Variants in UGGT2 observed in about 807,000 individuals in gnomAD.
UGGT2 encodes UDP-glucose:glycoprotein glucosyltransferase 2.
Under a neutral mutation model 192.1 loss-of-function variants are expected in UGGT2, and 180 were observed. The observed-to-expected ratio is 0.94, with a 90% confidence interval of 0.83 to 1.06. The LOEUF (loss-of-function observed/expected upper bound fraction) is 1.06, where lower values mean the gene tolerates loss of function less well. Ranked by LOEUF, UGGT2 falls within the 50% of genes least tolerant of loss-of-function variation. UGGT2 has a pLI of 0.00. For missense variants in UGGT2, 1,849 were observed against 1,795.7 expected, an observed-to-expected ratio of 1.03 and a Z score of -0.54; for synonymous variants, 580 against 591.0, an observed-to-expected ratio of 0.98 and a Z score of 0.27.
chr13:95,898,662 A>G (rs2140272918), intron 22 of UGGT2, among the ~76,000 whole-genome samples: 1 of 152,096 alleles, frequency 6.6e-6, no homozygotes. Flanking sequence ...TTAGGTCATG[A>G]GGGCTGTGCC....
chr13:96,026,659 CTTTTTTTTTTTTT>C (rs71211702), intron 2 of UGGT2, among the ~76,000 whole-genome samples: 2 of 101,536 alleles, frequency 2.0e-5, no homozygotes, highest in African/African-American at 3.6e-5. Flanking sequence ...TTTCACTCTT[CTTTTTTTTTTTTT>C]TTTTTTTTTT....
chr13:96,007,911 G>A lies in UGGT2; in HGVS notation c.660+5396C>T, dbSNP rs540705753. ...ACACATTTGGAACCAACTCATCTTCGACAAACATGCCAGGATCATACACTG... is the reference window on the plus strand; with the variant it reads ...ACACATTTGGAACCAACTCATCTTCAACAAACATGCCAGGATCATACACTG... On this transcript the variant is annotated intron_variant, in intron 5 of 38. Transcript: ENST00000376747. 4.1e-4 allele frequency among the ~76,000 whole-genome samples: 62 copies of A among 152,192 alleles called. 1 individual carries two copies. The highest frequency in any genetic ancestry group is 2.1e-4 in the South Asian group (1 of 4,830).
At chr13:95,874,997 T>C (rs905885580) in intron 29 of UGGT2, among the ~76,000 whole-genome samples, 1 of 152,154 alleles carries the variant, frequency 6.6e-6, no homozygotes, top group Non-Finnish European at 1.5e-5. Context: ...AGCCTAAGTG[T>C]AAATTTAACG....
chr13:95,813,322 G>A (rs375248941), intron 38 of UGGT2, among the ~76,000 whole-genome samples: 50 of 152,178 alleles, frequency 3.3e-4, no homozygotes, highest in African/African-American at 1.2e-3. Context: ...ATGGAAATGA[G>A]GAACTGGCTG....
At chr13:96,015,876 CTTAT>C (rs1407372978) in intron 4 of UGGT2, among the ~76,000 whole-genome samples, 3 of 152,132 alleles carry the variant, frequency 2.0e-5, no homozygotes, top group Non-Finnish European at 1.5e-5. Context: ...AATAATGAAA[CTTAT>C]TTATTCATTT....
intron 28 of UGGT2, 129 bp from the exon 29 acceptor site, chr13:95,877,493 C>A: frequency 1.0e-6 from 1 of 966,848 alleles, no homozygotes; most frequent in Non-Finnish European, 1.5e-6. Context: ...AAATCAATTC[C>A]AAGTAAAGAG....
At chr13:96,003,236 T>G (rs951164073) in intron 5 of UGGT2, among the ~76,000 whole-genome samples, 1 of 152,166 alleles carries the variant, frequency 6.6e-6, no homozygotes, top group Admixed American at 6.6e-5. Context: ...GCAAGGTGTT[T>G]ACAGTCCTCC....
chr13:95,988,485 A>C (rs1164778701), intron 8 of UGGT2, among the ~76,000 whole-genome samples: 2 of 152,198 alleles, frequency 1.3e-5, no homozygotes, highest in Non-Finnish European at 2.9e-5. Context: ...TCTAAGCATG[A>C]GGTCTAGATG....
chr13:95,897,499 A>T (rs2047980696), intron 22 of UGGT2, among the ~76,000 whole-genome samples: 2 of 152,168 alleles, frequency 1.3e-5, no homozygotes, highest in Admixed American at 1.3e-4. Flanking sequence ...CTAGTTGTTG[A>T]TCATTTATAA....
intron 37 of UGGT2, among the ~76,000 whole-genome samples, chr13:95,835,185 T>C (rs981594661): frequency 6.6e-6 from 1 of 152,188 alleles, no homozygotes; most frequent in Non-Finnish European, 1.5e-5. Flanking sequence ...AACAGCCACA[T>C]AAGGCAAGTG....
rs2139118756 is a variant in UGGT2, at chr13:96,023,057, C to T, written c.468G>A (p.Leu156=). 4 of 1,583,244 alleles carry T rather than the reference C, an allele frequency of 2.5e-6. No individual in the cohort carries two copies. The highest frequency in any genetic ancestry group is 3.4e-6 in the Non-Finnish European group (4 of 1,163,368). ...TCKINEIKKL[L]KKAASRTRPY... ...TAATTTACCTTGAAGCAGCTTTCTT[C>T]AGCAGCTTTTTAATCTCATTAATTT... The change falls in exon 4 of 39, where the codon CTG becomes CTA. Residue 156 remains leucine (L), a synonymous_variant. Coordinates refer to ENST00000376747, the MANE Select transcript of UGGT2 (RefSeq NM_020121.4).
At chr13:95,989,269 TAATC>T (rs1216880828) in intron 8 of UGGT2, among the ~76,000 whole-genome samples, 1 of 152,140 alleles carries the variant, frequency 6.6e-6, no homozygotes, top group East Asian at 1.9e-4. Context: ...GTCTATAAAA[TAATC>T]TATATCATCT....
rs377548086 is a variant in UGGT2, at chr13:96,053,390, C to A, written c.-78G>T. 3.3e-6 allele frequency: 5 copies of A among 1,512,140 alleles called. No homozygotes were observed. The highest frequency in any genetic ancestry group is 2.6e-5 in the East Asian group (1 of 38,280). The allele number at this position is 1,512,140 out of a possible 1,614,324, so 93.7% of individuals were successfully genotyped here. ...CCGCCACGCTTCGGCCGGCTCTTCC[C>A]GCTGCGCGGCTGCCCACTTCCGGTG... is the stretch of plus-strand genomic sequence containing the variant. On this transcript the variant is annotated 5_prime_UTR_variant, in exon 1 of 39. Transcript: ENST00000376747.
rs561560877 is a variant in UGGT2 at position 95,866,130 on chromosome 13, C to T, written c.3558+1209G>A. Among the ~76,000 whole-genome samples, 3 of 152,170 alleles carry T rather than the reference C, an allele frequency of 2.0e-5. No homozygotes were observed. In the South Asian group the frequency reaches 6.2e-4, roughly 32 times the overall value. ...ACTTTTTCTGGCCTATCTCCCCCAACTTGCTAATTTTCTCTGAAGGCATGT... is the reference window on the plus strand; with the variant it reads ...ACTTTTTCTGGCCTATCTCCCCCAATTTGCTAATTTTCTCTGAAGGCATGT... On this transcript the variant is annotated intron_variant, in intron 30 of 38. Transcript: ENST00000376747.
Position 95,899,365 on chromosome 13 carries a change from C to T in UGGT2, c.2634+1442G>A, listed in dbSNP as rs148119613. Among the ~76,000 whole-genome samples, 20 of 152,146 alleles carry T rather than the reference C, an allele frequency of 1.3e-4. No homozygotes were observed. The East Asian group carries it at 3.9e-3, about 29-fold the overall frequency. ...TCTCTCTATCCATCAAAATATTAGCCCCATGAAAACGTAGTTGTTTACTGC... is the reference window on the plus strand; with the variant it reads ...TCTCTCTATCCATCAAAATATTAGCTCCATGAAAACGTAGTTGTTTACTGC... On this transcript the variant is annotated intron_variant, in intron 22 of 38. Coordinates refer to ENST00000376747, the MANE Select transcript of UGGT2 (RefSeq NM_020121.4).
intron 38 of UGGT2, among the ~76,000 whole-genome samples, chr13:95,814,330 C>T (rs1227092068): frequency 6.6e-6 from 1 of 152,192 alleles, no homozygotes; most frequent in African/African-American, 2.4e-5. Context: ...GGTGGAACTG[C>T]TCAAGGCTTT....
chr13:95,916,324 G>A (rs2048680939), intron 20 of UGGT2, among the ~76,000 whole-genome samples: 1 of 152,186 alleles, frequency 6.6e-6, no homozygotes, highest in African/African-American at 2.4e-5. Context: ...AGAGCAGCTT[G>A]ACCGTTAAAA....
In UGGT2 at chr13:95,947,953, A is replaced by G. The variant is rs893116281; in HGVS notation, c.1541+43T>C. On this transcript the variant is annotated intron_variant, in intron 14 of 38. Transcript: ENST00000376747. Reference sequence around the variant, plus strand: ...TGTAACACAATATGAATAACATTGAATTTCCTTTAGTTGACAGTTTAATGC... The same window carrying G: ...TGTAACACAATATGAATAACATTGAGTTTCCTTTAGTTGACAGTTTAATGC... The G allele has an allele frequency of 9.3e-6, 14 of 1,507,336 alleles. 1 individual carries two copies. Among genetic ancestry groups the G allele is most frequent in the Non-Finnish European group, 1.1e-5 (12 of 1,087,134 alleles). The allele number at this position is 1,507,336 out of a possible 1,614,324, so 93.4% of individuals were successfully genotyped here.
At chr13:95,893,545 C>T (rs1295464180) in intron 24 of UGGT2, among the ~76,000 whole-genome samples, 1 of 151,760 alleles carries the variant, frequency 6.6e-6, no homozygotes, top group Non-Finnish European at 1.5e-5. Context: ...TTATCAATTT[C>T]CAAAGGTTCA....
Sources: allele counts gnomAD v4.1 joint callset (sites outside exome capture counted in the v4.1 genomes callset), GRCh38; gene constraint gnomAD v4.1.1; transcripts MANE v1.5; gene names NCBI Gene and HGNC (gene_info 2026-07-23, HGNC 2026-07-21).